Variants in DTWD1 observed in about 807,000 individuals in gnomAD.
DTWD1 encodes tRNA-uridine aminocarboxypropyltransferase 1.
Under a neutral mutation model 30.2 loss-of-function variants are expected in DTWD1, and 27 were observed. The ratio of observed to expected loss-of-function variants is 0.90; its 90% CI spans 0.66 to 1.23. The LOEUF (loss-of-function observed/expected upper bound fraction) is 1.23. Ranked by LOEUF, DTWD1 falls within the 50% of genes most tolerant of loss-of-function variation. DTWD1 has a pLI of 0.00. For synonymous variants in DTWD1, 99 were observed against 113.1 expected, an observed-to-expected ratio of 0.88 and a Z score of 0.79; for missense variants, 342 against 348.8, an observed-to-expected ratio of 0.98 and a Z score of 0.15.
At position 49,625,192 on chromosome 15, in the gene DTWD1, C is replaced by T; in HGVS notation, c.25C>T (p.Leu9Phe). The T allele has an allele frequency of 4.3e-6, 7 of 1,613,202 alleles. No individual in the cohort carries two copies. Among genetic ancestry groups the T allele is most frequent in the Non-Finnish European group, 5.9e-6 (7 of 1,179,546 alleles). The part of the protein sequence containing the change: MSLNPPIF[L>F]KRSEENSSKF... ...AATGTCTCTCAATCCACCTATATTT[C>T]TCAAACGAAGTGAAGAAAATAGTTC... is the stretch of plus-strand genomic sequence containing the variant. Residue 9 changes from leucine to phenylalanine, a missense_variant, in exon 2 of 5, where the codon CTC becomes TTC. Physicochemically the swap from Leu to Phe is conservative, Grantham distance 22 (BLOSUM62 0). Transcript: ENST00000403028.
rs1346740296 is a variant in DTWD1, at chr15:49,654,665, T to C, written c.*11087T>C. ...ATATCATAGATTGAGTGACTTTTTT[T>C]CTTTAAAAAAATGAGATTGTGGAAC... On this transcript the variant is annotated 3_prime_UTR_variant, in exon 5 of 5. Coordinates refer to ENST00000403028, the MANE Select transcript of DTWD1 (RefSeq NM_001144955.2). 1.3e-5 allele frequency: 2 copies of C among 151,808 alleles called. No homozygotes were observed. The highest frequency in any genetic ancestry group is 2.9e-5 in the Non-Finnish European group (2 of 67,934). 9.4% of individuals were successfully genotyped at this position (151,808 alleles called of 1,614,324 possible).
In DTWD1 at chr15:49,650,601, A is replaced by G. The variant is rs1010585772; in HGVS notation, c.*7023A>G. On this transcript the variant is annotated 3_prime_UTR_variant, in exon 5 of 5. Coordinates refer to ENST00000403028, the MANE Select transcript of DTWD1 (RefSeq NM_001144955.2). Reference sequence around the variant, plus strand: ...TAATTAGCTGCAGGGAGTGTGAAGAACAGAAATCCACCAGTATCAGCACTT... The same window carrying G: ...TAATTAGCTGCAGGGAGTGTGAAGAGCAGAAATCCACCAGTATCAGCACTT... 6.6e-6 allele frequency: 1 copy of G among 152,176 alleles called. No homozygotes were observed. The highest frequency in any genetic ancestry group is 2.4e-5 in the African/African-American group (1 of 41,448). The allele number at this position is 152,176 out of a possible 1,614,324, so 9.4% of individuals were successfully genotyped here.
At chr15:49,641,163 T>G (rs1372430349) in intron 4 of DTWD1, among the ~76,000 whole-genome samples, 2 of 152,086 alleles carry the variant, frequency 1.3e-5, no homozygotes, top group East Asian at 1.9e-4. Flanking sequence ...TTTTAAATAT[T>G]AAGTTTAGTT....
intron 1 of DTWD1, among the ~76,000 whole-genome samples, chr15:49,624,551 A>T (rs906846895): frequency 2.0e-5 from 3 of 152,158 alleles, no homozygotes; most frequent in African/African-American, 7.2e-5. Flanking sequence ...AATTTATAGG[A>T]TAATATATTT....
At chr15:49,624,848 C>T (rs777563211) in intron 1 of DTWD1, among the ~76,000 whole-genome samples, 2 of 152,146 alleles carry the variant, frequency 1.3e-5, no homozygotes, top group Non-Finnish European at 2.9e-5. Context: ...TTCCTAATAT[C>T]TGGAAAACAA....
At chr15:49,642,908 G>C (rs1040685264) in intron 4 of DTWD1, among the ~76,000 whole-genome samples, 1 of 152,150 alleles carries the variant, frequency 6.6e-6, no homozygotes, top group African/African-American at 2.4e-5. Flanking sequence ...CTGGGTGACA[G>C]AGTGAGACCT....
At chr15:49,622,651 T>C (rs530937628) in intron 1 of DTWD1, among the ~76,000 whole-genome samples, 1 of 152,218 alleles carries the variant, frequency 6.6e-6, no homozygotes, top group Non-Finnish European at 1.5e-5. Context: ...TTTAAAAATT[T>C]TAAATAACCC....
rs2078690385 is a variant in DTWD1, at chr15:49,621,138, C to G, written c.-56+16C>G. 6.6e-6 allele frequency: 1 copy of G among 152,274 alleles called. No homozygotes were observed. The highest frequency in any genetic ancestry group is 2.4e-5 in the African/African-American group (1 of 41,440). 9.4% of individuals were successfully genotyped at this position (152,274 alleles called of 1,614,324 possible). ...GGGTGTGCAGGTCTGAGTACCACTC[C>G]GATCCCTGGTGGAGGTCCCCGCGCC... On this transcript the variant is annotated intron_variant, in intron 1 of 4. Coordinates refer to ENST00000403028, the MANE Select transcript of DTWD1 (RefSeq NM_001144955.2).
rs2153354767 is a variant in DTWD1, at chr15:49,650,047, G to C, written c.*6469G>C. The C allele has an allele frequency of 6.6e-6, 1 of 152,108 alleles. No homozygotes were observed. Among genetic ancestry groups the C allele is most frequent in the South Asian group, 2.1e-4 (1 of 4,818 alleles). 9.4% of individuals were successfully genotyped at this position (152,108 alleles called of 1,614,324 possible). Reference sequence around the variant, plus strand: ...CCATGCGAATAATTAAGTGAATAATGTTTTAATTATAGGGAACAATATGTG... The same window carrying C: ...CCATGCGAATAATTAAGTGAATAATCTTTTAATTATAGGGAACAATATGTG... On this transcript the variant is annotated 3_prime_UTR_variant, in exon 5 of 5. Transcript: ENST00000403028.
chr15:49,649,465 G>T lies in DTWD1; in HGVS notation c.*5887G>T, dbSNP rs922631264. The stretch of plus-strand genomic sequence containing the variant: ...ATTAAGAAGTCAGCAGGCCAGGCGC[G>T]GTGGCTCACGCCTCTAATCCCAGCA... On this transcript the variant is annotated 3_prime_UTR_variant, in exon 5 of 5. Transcript: ENST00000403028. 6.6e-6 allele frequency: 1 copy of T among 152,090 alleles called. No homozygotes were observed. The highest frequency in any genetic ancestry group is 2.4e-5 in the African/African-American group (1 of 41,408). The allele number at this position is 152,090 out of a possible 1,614,324, so 9.4% of individuals were successfully genotyped here.
intron 3 of DTWD1, among the ~76,000 whole-genome samples, chr15:49,633,067 A>ATG (rs1555588688): frequency 6.9e-6 from 1 of 144,766 alleles, no homozygotes; most frequent in East Asian, 1.9e-4. Context: ...ATATATATAT[A>ATG]TATGTATTTT....
rs1445852126 is a variant in DTWD1 at position 49,646,457 on chromosome 15, T to C, written c.*2879T>C. On this transcript the variant is annotated 3_prime_UTR_variant, in exon 5 of 5. Transcript: ENST00000403028. ...CAGCAGGTTTGTATGATTCCTCTGC[T>C]TGAGATCAATTAGCCATATGTTCAG... 6.6e-6 allele frequency: 1 copy of C among 152,114 alleles called. No individual in the cohort carries two copies. The highest frequency in any genetic ancestry group is 1.5e-5 in the Non-Finnish European group (1 of 68,032). 9.4% of individuals were successfully genotyped at this position (152,114 alleles called of 1,614,324 possible).
intron 4 of DTWD1, among the ~76,000 whole-genome samples, chr15:49,643,107 A>G (rs1196877699): frequency 6.6e-6 from 1 of 152,066 alleles, no homozygotes; most frequent in Non-Finnish European, 1.5e-5. Context: ...ACTGTCATGT[A>G]TAAGATTTTA....
chr15:49,636,598 G>C (rs2079006405), intron 4 of DTWD1, among the ~76,000 whole-genome samples: 2 of 152,014 alleles, frequency 1.3e-5, no homozygotes, highest in Admixed American at 1.3e-4. Flanking sequence ...CAGGTCAATT[G>C]TCTGAATGTT....
rs981809103 is a variant in DTWD1 at position 49,625,647 on chromosome 15, CACCGA to C, written c.264+219_264+223del. On this transcript the variant is annotated intron_variant, in intron 2 of 4. Coordinates refer to ENST00000403028, the MANE Select transcript of DTWD1 (RefSeq NM_001144955.2). ...GGTGCTGCGCCTGATCGCAAGAGCA[CACCGA>C]ACAAAGGAAGGAAGGGATTTTTAAC... 10 of 510,758 alleles carry C rather than the reference CACCGA, an allele frequency of 2.0e-5. No homozygotes were observed. The Admixed American group carries it at 3.3e-4, about 17-fold the overall frequency. 31.6% of individuals were successfully genotyped at this position (510,758 alleles called of 1,614,324 possible).
At chr15:49,633,043 CTATATCTA>C (rs1268046113) in intron 3 of DTWD1, among the ~76,000 whole-genome samples, 2 of 129,492 alleles carry the variant, frequency 1.5e-5, no homozygotes, top group African/African-American at 5.6e-5. Context: ...CTATTTATAT[CTATATCTA>C]TATATATATA....
Position 49,643,359 on chromosome 15 carries a change from A to G in DTWD1, c.696A>G (p.Arg232=). Residue 232 remains arginine (R), a synonymous_variant, in exon 5 of 5, where the codon AGA becomes AGG. Coordinates refer to ENST00000403028, the MANE Select transcript of DTWD1 (RefSeq NM_001144955.2). ...TGTTACAAGTTGAGTTGAAAACAAG[A>G]AAAACTTGCTTTTGGCGCCATCAAA... is the stretch of plus-strand genomic sequence containing the variant. ...QGLLQVELKT[R]KTCFWRHQKG... 3 of 1,558,290 alleles carry G rather than the reference A, an allele frequency of 1.9e-6. No homozygotes were observed. The highest frequency in any genetic ancestry group is 2.5e-5 in the South Asian group (2 of 80,068).
At position 49,643,400 on chromosome 15, in the gene DTWD1, CT is replaced by C; in HGVS notation, c.740del (p.Phe247SerfsTer13). The C allele has an allele frequency of 6.4e-7, 1 of 1,555,080 alleles. No homozygotes were observed. The highest frequency in any genetic ancestry group is 1.4e-5 in the African/African-American group (1 of 70,504). On this transcript the variant is annotated frameshift_variant, in exon 5 of 5. Coordinates refer to ENST00000403028, the MANE Select transcript of DTWD1 (RefSeq NM_001144955.2). LOFTEE classifies it high-confidence loss of function. ...FWRHQKGKPD[T>X]FLSTIEAIYY... ...CGCCATCAAAAAGGAAAGCCAGATA[CT>C]TTCCTTTCTACAATTGAAGCCATTT...
chr15:49,632,257 T>A lies in DTWD1; in HGVS notation c.363T>A (p.Ile121=). The part of the protein sequence containing the change: ...AKLLAPEFVN[I]YTYPCIPEYE... Reference sequence around the variant, plus strand: ...TCTTAGCACCTGAATTTGTAAACATTTACACGTATCCGTGTATTCCAGAAT... The same window carrying A: ...TCTTAGCACCTGAATTTGTAAACATATACACGTATCCGTGTATTCCAGAAT... The change falls in exon 3 of 5, where the codon ATT becomes ATA. Residue 121 remains isoleucine (I), a synonymous_variant. Coordinates refer to ENST00000403028, the MANE Select transcript of DTWD1 (RefSeq NM_001144955.2). The A allele has an allele frequency of 6.3e-7, 1 of 1,596,636 alleles. No individual in the cohort carries two copies. Among genetic ancestry groups the A allele is most frequent in the Non-Finnish European group, 8.5e-7 (1 of 1,176,094 alleles).
Sources: gnomAD v4.1 joint callset for allele counts (sites outside exome capture counted in the v4.1 genomes callset) on GRCh38, gnomAD v4.1.1 for gene constraint, MANE v1.5 for transcripts, NCBI Gene and HGNC (gene_info 2026-07-23, HGNC 2026-07-21) for gene names.